Variants in TCF12 observed in about 807,000 individuals in gnomAD.
The protein encoded by TCF12 is DNA-binding protein HTF4.
A neutral mutation model predicts 86.0 loss-of-function variants in TCF12; 45 were observed. That is an observed-to-expected ratio of 0.52 (90% CI 0.41 to 0.67). The LOEUF is 0.67. TCF12 is among the 30% of genes least tolerant of loss of function. The probability of loss-of-function intolerance (pLI) is 0.00; values close to 1 mark genes in which losing one functional copy is unlikely to be tolerated. For synonymous variants in TCF12, 330 were observed against 299.6 expected (o/e 1.10, Z -1.05); for missense variants, 881 against 859.9 (o/e 1.02, Z -0.31).
chr15:57,177,608 C>CAGAGAGAGAGAGAGAGAG (rs11270421), intron 6 of TCF12, among the ~76,000 whole-genome samples: 6,891 of 122,830 alleles, frequency 0.056, 581 homozygotes, highest in Non-Finnish European at 0.061. Context: ...GTTAAAAGGC[C>CAGAGAGAGAGAGAGAGAG]AGAGAGAGAG....
chr15:57,220,827 C>T (rs1233743569), intron 8 of TCF12, among the ~76,000 whole-genome samples: 2 of 151,986 alleles, frequency 1.3e-5, no homozygotes, highest in Non-Finnish European at 2.9e-5. Context: ...TGTTTTCCTT[C>T]TAAATCTTTC....
intron 5 of TCF12, among the ~76,000 whole-genome samples, chr15:57,144,054 G>T (rs554694788): frequency 6.6e-6 from 1 of 152,260 alleles, no homozygotes; most frequent in African/African-American, 2.4e-5. Flanking sequence ...AATATTTTAG[G>T]ATAGCATATC....
intron 3 of TCF12, among the ~76,000 whole-genome samples, chr15:57,004,834 C>T (rs1357012094): frequency 1.3e-5 from 2 of 151,982 alleles, no homozygotes; most frequent in African/African-American, 4.8e-5. Context: ...GGATTATAGG[C>T]ATGAGCCACC....
chr15:57,073,744 T>G (rs1478446388), intron 4 of TCF12, among the ~76,000 whole-genome samples: 1 of 152,150 alleles, frequency 6.6e-6, no homozygotes, highest in Non-Finnish European at 1.5e-5. Flanking sequence ...CTAGAAGTTT[T>G]TTTGTTTGTT....
At chr15:57,179,400 A>C (rs2056179773) in intron 6 of TCF12, among the ~76,000 whole-genome samples, 1 of 152,180 alleles carries the variant, frequency 6.6e-6, no homozygotes, top group Non-Finnish European at 1.5e-5. Context: ...AGACAGGAGA[A>C]TTGCTTGAAC....
intron 15 of TCF12, 82 bp from the exon 16 acceptor site, chr15:57,253,180 A>AT: frequency 6.8e-7 from 1 of 1,471,076 alleles, no homozygotes; most frequent in African/African-American, 1.4e-5. Flanking sequence ...TCTTCCACAT[A>AT]TCACATAGTA....
intron 19 of TCF12, chr15:57,281,783 T>A (rs1405284311): frequency 2.0e-5 from 3 of 152,804 alleles, no homozygotes; most frequent in Non-Finnish European, 4.4e-5. Flanking sequence ...GGGCTCCCAC[T>A]GACTTAATGG....
intron 3 of TCF12, among the ~76,000 whole-genome samples, chr15:56,961,160 A>T (rs375175059): frequency 6.6e-6 from 1 of 152,046 alleles, no homozygotes; most frequent in East Asian, 1.9e-4. Context: ...TTCATTAAAT[A>T]AGTACCTACA....
In TCF12 at chr15:56,942,701, G is replaced by C. The variant is rs369291512; in HGVS notation, c.148+21603G>C. 3.9e-5 allele frequency among the ~76,000 whole-genome samples: 6 copies of C among 152,218 alleles called. No homozygotes were observed. In the East Asian group the frequency reaches 1.2e-3, roughly 29 times the overall value. ...TGGTTTAGGTGTAAATAGTATAAAA[G>C]CATTGAGGCAAAATCTAAAGTAAGT... On this transcript the variant is annotated intron_variant, in intron 3 of 20. Transcript: ENST00000333725.
At chr15:57,066,414 T>G (rs1252690945) in intron 4 of TCF12, among the ~76,000 whole-genome samples, 1 of 152,104 alleles carries the variant, frequency 6.6e-6, no homozygotes, top group Non-Finnish European at 1.5e-5. Flanking sequence ...AGTTAAAAAT[T>G]TGTCAACTTA....
At chr15:56,975,377 T>C (rs2062546659) in intron 3 of TCF12, among the ~76,000 whole-genome samples, 1 of 152,182 alleles carries the variant, frequency 6.6e-6, no homozygotes, top group African/African-American at 2.4e-5. Context: ...TTTAAAATAG[T>C]TAATGATAAA....
chr15:57,200,693 T>C (rs1377104889), intron 8 of TCF12, among the ~76,000 whole-genome samples: 1 of 152,230 alleles, frequency 6.6e-6, no homozygotes, highest in Admixed American at 6.5e-5. Flanking sequence ...TGATAATCTG[T>C]ATAATTTGAT....
chr15:57,210,393 A>G (rs1341264501), intron 8 of TCF12, among the ~76,000 whole-genome samples: 1 of 151,830 alleles, frequency 6.6e-6, no homozygotes, highest in African/African-American at 2.4e-5. Context: ...TAAAACATCT[A>G]ACATGCTTAA....
intron 6 of TCF12, among the ~76,000 whole-genome samples, chr15:57,188,222 T>C (rs1195351661): frequency 6.6e-6 from 1 of 151,566 alleles, no homozygotes; most frequent in South Asian, 2.1e-4. Flanking sequence ...ATTTCTTTAA[T>C]TTTTTTTTCA....
chr15:57,109,001 TC>T (rs1469821114), intron 5 of TCF12, among the ~76,000 whole-genome samples: 1 of 152,204 alleles, frequency 6.6e-6, no homozygotes, highest in African/African-American at 2.4e-5. Flanking sequence ...TGTGGATGAG[TC>T]CTTGGGACAG....
intron 5 of TCF12, among the ~76,000 whole-genome samples, chr15:57,132,202 A>G (rs1415986708): frequency 6.6e-6 from 1 of 152,300 alleles, no homozygotes; most frequent in East Asian, 1.9e-4. Flanking sequence ...TTGACTAATC[A>G]CTAGATTTCT....
intron 4 of TCF12, chr15:57,072,620 T>G: frequency 7.8e-7 from 1 of 1,276,262 alleles, no homozygotes. Flanking sequence ...ACACACGAAT[T>G]TTGAAATAGT....
intron 3 of TCF12, among the ~76,000 whole-genome samples, chr15:57,045,034 A>G (rs1160283353): frequency 2.6e-5 from 4 of 152,218 alleles, no homozygotes; most frequent in Admixed American, 2.6e-4. Context: ...GAAAGCAGAT[A>G]TAATTGATCA....
At chr15:57,042,652 G>C (rs1255474265) in intron 3 of TCF12, among the ~76,000 whole-genome samples, 1 of 152,084 alleles carries the variant, frequency 6.6e-6, no homozygotes. Flanking sequence ...GGCTTCAAGT[G>C]ACCCTCCTGC....
Sources: gnomAD v4.1 joint callset for allele counts (sites outside exome capture counted in the v4.1 genomes callset) on GRCh38, gnomAD v4.1.1 for gene constraint, MANE v1.5 for transcripts, NCBI Gene and HGNC (gene_info 2026-07-23, HGNC 2026-07-21) for gene names.